The following LRRFIP2 variants were observed in gnomAD, a reference collection of about 807,000 sequenced individuals.
The protein encoded by LRRFIP2 is leucine-rich repeat flightless-interacting protein 2.
Under a neutral mutation model 125.9 loss-of-function variants are expected in LRRFIP2, and 109 were observed. The ratio of observed to expected loss-of-function variants is 0.87; its 90% CI spans 0.74 to 1.01. The LOEUF is 1.01. Among genes scored for constraint, LRRFIP2 ranks in the 50% least tolerant of loss-of-function variants. The pLI is 0.00. For missense variants in LRRFIP2, 850 were observed against 862.3 expected (o/e 0.99, Z 0.18); for synonymous variants, 291 against 293.1 (o/e 0.99, Z 0.07).
At chr3:37,119,645 T>C (rs983302313) in intron 6 of LRRFIP2, among the ~76,000 whole-genome samples, 1 of 152,194 alleles carries the variant, frequency 6.6e-6, no homozygotes, top group African/African-American at 2.4e-5. Flanking sequence ...CCCTGCATGA[T>C]TCTTTACAAA....
chr3:37,127,577 T>G, intron 4 of LRRFIP2, 53 bp downstream of exon 4: 1 of 1,561,066 alleles, frequency 6.4e-7, no homozygotes, highest in Non-Finnish European at 8.8e-7. Flanking sequence ...ACTTCAAGAC[T>G]GCATTATTTC....
chr3:37,063,761 T>C lies in LRRFIP2; in HGVS notation c.1730A>G (p.Lys577Arg). 1 of 1,612,154 alleles carries C rather than the reference T, an allele frequency of 6.2e-7. No individual in the cohort carries two copies. Among genetic ancestry groups the C allele is most frequent in the Non-Finnish European group, 8.5e-7 (1 of 1,178,314 alleles). ...CTTTACCTGTGACAGTAGTTCTTCC[T>C]TCTCTCCAGCAAGTTTTCGTAGCCT... Reference protein sequence around the residue: ...DVRLRKLAGEKEELLSQIRKL... With the variant: ...DVRLRKLAGEREELLSQIRKL... Residue 577 changes from lysine (K) to arginine (R), a missense_variant, in exon 24 of 28, where the codon AAG becomes AGG. Transcript: ENST00000336686.
At position 37,063,855 on chromosome 3, in the gene LRRFIP2, A is replaced by T. The variant is rs2089449620; in HGVS notation, c.1700-64T>A. The stretch of plus-strand genomic sequence containing the variant: ...TGATATAGTACATAAACAATTAAAA[A>T]TTTTTCAAACTCATAAACAGCTAAT... On this transcript the variant is annotated intron_variant, in intron 23 of 27. Transcript: ENST00000336686. 6.3e-6 allele frequency: 8 copies of T among 1,266,018 alleles called. No individual in the cohort carries two copies. In the Admixed American group the frequency reaches 1.4e-4, roughly 22 times the overall value. The allele number at this position is 1,266,018 out of a possible 1,614,324, so 78.4% of individuals were successfully genotyped here. A position where few individuals can be genotyped will look rare whatever the true frequency, so the allele number is the denominator to read the frequency against.
At chr3:37,134,827 C>T (rs2095517008) in intron 2 of LRRFIP2, 2 of 951,756 alleles carry the variant, frequency 2.1e-6, no homozygotes, top group Non-Finnish European at 3.4e-6. Flanking sequence ...ATTCATTTTC[C>T]TACAGACTGC....
intron 2 of LRRFIP2, among the ~76,000 whole-genome samples, chr3:37,138,101 G>C (rs2095602624): frequency 6.6e-6 from 1 of 152,110 alleles, no homozygotes; most frequent in Non-Finnish European, 1.5e-5. Flanking sequence ...TAATTTACCT[G>C]AAGCAATTTA....
At chr3:37,116,537 T>C (rs1334457467) in intron 6 of LRRFIP2, among the ~76,000 whole-genome samples, 1 of 151,910 alleles carries the variant, frequency 6.6e-6, no homozygotes, top group East Asian at 1.9e-4. Context: ...GTTTCAATAA[T>C]GTATTTTCTA....
chr3:37,118,220 A>T (rs2094880514), intron 6 of LRRFIP2, among the ~76,000 whole-genome samples: 1 of 152,048 alleles, frequency 6.6e-6, no homozygotes, highest in South Asian at 2.1e-4. Flanking sequence ...CACCCAGCTA[A>T]TTTATTTTAT....
At chr3:37,171,444 AT>A (rs796818067) in intron 1 of LRRFIP2, among the ~76,000 whole-genome samples, 2,497 of 147,580 alleles carry the variant, frequency 0.017, 72 homozygotes, top group African/African-American at 0.054. Context: ...TCAGTATGTA[AT>A]TTTTTTTTTT....
chr3:37,157,244 A>T (rs930563789), intron 1 of LRRFIP2, among the ~76,000 whole-genome samples: 1 of 152,106 alleles, frequency 6.6e-6, no homozygotes, highest in African/African-American at 2.4e-5. Flanking sequence ...AGGGTTCAAG[A>T]CCAGCCTGGG....
At chr3:37,165,304 T>G (rs1458280699) in intron 1 of LRRFIP2, among the ~76,000 whole-genome samples, 1 of 151,862 alleles carries the variant, frequency 6.6e-6, no homozygotes, top group Non-Finnish European at 1.5e-5. Context: ...GCGTTCCTTA[T>G]GAGAATCTAA....
chr3:37,146,934 C>T (rs1478877588), intron 2 of LRRFIP2, among the ~76,000 whole-genome samples: 1 of 151,682 alleles, frequency 6.6e-6, no homozygotes, highest in African/African-American at 2.4e-5. Flanking sequence ...AGACAAGCTA[C>T]AAAATGGGAG....
chr3:37,060,583 A>G lies in LRRFIP2; in HGVS notation c.1750-1673T>C, dbSNP rs2088327305. Among the ~76,000 whole-genome samples, 2 of 149,462 alleles carry G rather than the reference A, an allele frequency of 1.3e-5. No homozygotes were observed. The highest frequency in any genetic ancestry group is 4.9e-5 in the African/African-American group (2 of 40,818). On this transcript the variant is annotated intron_variant, in intron 24 of 27. Coordinates refer to ENST00000336686, the MANE Select transcript of LRRFIP2 (RefSeq NM_006309.4). The surrounding 1 kb of genome is among the most constrained non-coding windows in gnomAD (Gnocchi z 4.1). Reference sequence around the variant, plus strand: ...CTCCCCAAGTGCTGGGATTACAGACATGAGCCACCATGCCCGGCCCTTTTT... The same window carrying G: ...CTCCCCAAGTGCTGGGATTACAGACGTGAGCCACCATGCCCGGCCCTTTTT...
intron 1 of LRRFIP2, among the ~76,000 whole-genome samples, chr3:37,159,172 G>A (rs539266647): frequency 1.6e-4 from 24 of 152,220 alleles, no homozygotes; most frequent in African/African-American, 4.6e-4. Flanking sequence ...TATGGTATAA[G>A]ACAGGGATCC....
At position 37,102,961 on chromosome 3, in the gene LRRFIP2, G is replaced by C. The variant is rs762960513; in HGVS notation, c.836C>G (p.Ser279Cys). ...TGGGATACTGATATCATCCACCTCA[G>C]AGACAACACTTCCCCTACGATTGGA... The part of the protein sequence containing the change: ...SRSNRRGSVV[S>C]EVDDISIPDL... Residue 279 changes from serine (S) to cysteine (C), a missense_variant, in exon 15 of 28, where the codon TCT becomes TGT. Physicochemically the swap from Ser to Cys is moderately radical, Grantham distance 112. Transcript: ENST00000336686. The C allele has an allele frequency of 3.8e-6, 6 of 1,565,920 alleles. No homozygotes were observed. The highest frequency in any genetic ancestry group is 5.2e-6 in the Non-Finnish European group (6 of 1,153,460).
At chr3:37,074,174 G>A (rs1483447245) in intron 20 of LRRFIP2, among the ~76,000 whole-genome samples, 3 of 152,146 alleles carry the variant, frequency 2.0e-5, no homozygotes, top group South Asian at 4.1e-4. Flanking sequence ...AGGTAGGTCC[G>A]AGGGGAAAGA....
At chr3:37,120,239 T>G (rs554537202) in intron 6 of LRRFIP2, among the ~76,000 whole-genome samples, 7 of 151,682 alleles carry the variant, frequency 4.6e-5, no homozygotes, top group Admixed American at 4.0e-4. Flanking sequence ...CCCAAGTAAC[T>G]GGGATTACAG....
chr3:37,127,652 C>T lies in LRRFIP2; in HGVS notation c.206G>A (p.Trp69Ter), dbSNP rs772431952. Residue 69 changes from tryptophan to a stop codon, truncating the protein, a stop_gained, in exon 4 of 28, where the codon TGG becomes TAG. Transcript: ENST00000336686. LOFTEE classifies it high-confidence loss of function. ...EYSLHSFDRKWGQIQKWLEDS... is the reference protein window; with the variant it reads ...EYSLHSFDRK Reference sequence around the variant, plus strand: ...TACCAGCCACTTCTGAATCTGTCCCCACTTCCGATCAAAGGAATGAAGAGA... The same window carrying T: ...TACCAGCCACTTCTGAATCTGTCCCTACTTCCGATCAAAGGAATGAAGAGA... 3.1e-6 allele frequency: 5 copies of T among 1,613,972 alleles called. No individual in the cohort carries two copies. The South Asian group carries it at 5.5e-5, about 18-fold the overall frequency.
In LRRFIP2 at chr3:37,121,468, G is replaced by A; in HGVS notation, c.330+24C>T. On this transcript the variant is annotated intron_variant, in intron 6 of 27. Transcript: ENST00000336686. ...AAAGCTCACACGTAAGCTTTGTATT[G>A]TGTAGACAAGTTAAAATACCAACCC... The A allele has an allele frequency of 2.5e-6, 4 of 1,607,948 alleles. No homozygotes were observed. The South Asian group carries it at 3.3e-5, about 13-fold the overall frequency.
At chr3:37,095,118 C>A (rs1287586274) in intron 16 of LRRFIP2, among the ~76,000 whole-genome samples, 2 of 152,096 alleles carry the variant, frequency 1.3e-5, no homozygotes, top group Non-Finnish European at 2.9e-5. Flanking sequence ...TTTCATGACA[C>A]AAATACCTTA....
Sources: allele counts gnomAD v4.1 joint callset (sites outside exome capture counted in the v4.1 genomes callset), GRCh38; gene constraint gnomAD v4.1.1; non-coding constraint Gnocchi (gnomAD v3.1); transcripts MANE v1.5; gene names NCBI Gene and HGNC (gene_info 2026-07-23, HGNC 2026-07-21).